Variants in ZSCAN26 observed in about 807,000 individuals in gnomAD.
The protein encoded by ZSCAN26 is zinc finger and SCAN domain containing 26, also known as zinc finger and SCAN domain-containing protein 26.
Under a neutral mutation model 23.0 loss-of-function variants are expected in ZSCAN26, and 26 were observed. The observed-to-expected ratio is 1.13, with a 90% CI of 0.83 to 1.57. The LOEUF (loss-of-function observed/expected upper bound fraction) is 1.57, where lower values mean the gene tolerates loss of function less well. ZSCAN26 is among the 40% of genes most tolerant of loss of function. The probability of loss-of-function intolerance (pLI) is 0.00; values close to 1 mark genes in which losing one functional copy is unlikely to be tolerated. For synonymous variants in ZSCAN26, 180 were observed against 202.5 expected, an observed-to-expected ratio of 0.89 and a Z score of 0.94; for missense variants, 528 against 568.5, an observed-to-expected ratio of 0.93 and a Z score of 0.72.
intron 3 of ZSCAN26, among the ~76,000 whole-genome samples, chr6:28,273,124 TA>T: frequency 6.6e-6 from 1 of 151,820 alleles, no homozygotes; most frequent in Non-Finnish European, 1.5e-5. Context: ...TAGGGGTGAA[TA>T]AAAAAAGCAG....
rs1031770158 is a variant in ZSCAN26, at chr6:28,276,628, A to C, written c.972A>C (p.Ala324=). The C allele has an allele frequency of 3.1e-6, 5 of 1,611,856 alleles. No individual in the cohort carries two copies. Among genetic ancestry groups the C allele is most frequent in the Middle Eastern group, 1.6e-4 (1 of 6,078 alleles). Residue 324 remains alanine, a synonymous_variant, in exon 4 of 4, where the codon GCA becomes GCC. Transcript: ENST00000421553. ...GTGGCAAAGTCTTTAGCCAGAATGCAGGCCTTTTGGAACATCTCAGAATTC... is the reference window on the plus strand; with the variant it reads ...GTGGCAAAGTCTTTAGCCAGAATGCCGGCCTTTTGGAACATCTCAGAATTC... ...NECGKVFSQN[A]GLLEHLRIHT... is the part of the protein sequence containing the mutation.
rs1761472785 is a variant in ZSCAN26 at position 28,267,169 on chromosome 6, G to C, written c.-111G>C. 1 of 152,254 alleles carries C rather than the reference G, an allele frequency of 6.6e-6. No homozygotes were observed. Among genetic ancestry groups the C allele is most frequent in the South Asian group, 2.1e-4 (1 of 4,826 alleles). 9.4% of individuals were successfully genotyped at this position (152,254 alleles called of 1,614,324 possible). On this transcript the variant is annotated 5_prime_UTR_variant, in exon 1 of 4. Coordinates refer to ENST00000421553, the MANE Select transcript of ZSCAN26 (RefSeq NM_001023560.4). ...GAGCTGACACTCGGCGATGAGCTAA[G>C]ACGCTGTTTCAGAGCGTTTGGGTCC...
chr6:28,276,350 T>C lies in ZSCAN26; in HGVS notation c.694T>C (p.Tyr232His). 2 of 1,613,914 alleles carry C rather than the reference T, an allele frequency of 1.2e-6. No individual in the cohort carries two copies. The highest frequency in any genetic ancestry group is 1.7e-6 in the Non-Finnish European group (2 of 1,179,862). ...HQAKPKEKIE[Y>H]KCSEREQRFI... ...GGCCAAGCCCAAAGAGAAGATTGAG[T>C]ATAAATGCTCAGAACGTGAGCAGAG... is the stretch of plus-strand genomic sequence containing the variant. Residue 232 changes from tyrosine to histidine, a missense_variant, in exon 4 of 4, where the codon TAT (tyrosine) becomes CAT (histidine). Physicochemically the swap from Tyr to His is moderately conservative, Grantham distance 83. Coordinates refer to ENST00000421553, the MANE Select transcript of ZSCAN26 (RefSeq NM_001023560.4).
intron 1 of ZSCAN26, 25 bp downstream of exon 1, chr6:28,267,238 C>A (rs946380250): frequency 1.3e-5 from 2 of 152,308 alleles, no homozygotes; most frequent in African/African-American, 4.8e-5. Context: ...GAGCTGGGCC[C>A]CGGGCTGGGG....
chr6:28,269,211 T>C (rs1485376123), intron 1 of ZSCAN26, among the ~76,000 whole-genome samples: 19 of 152,178 alleles, frequency 1.2e-4, no homozygotes, highest in Non-Finnish European at 5.9e-5. Context: ...CCAGTATATA[T>C]ATATGTATGT....
chr6:28,275,929 T>G lies in ZSCAN26; in HGVS notation c.539-266T>G, dbSNP rs185059618. On this transcript the variant is annotated intron_variant, in intron 3 of 3. Coordinates refer to ENST00000421553, the MANE Select transcript of ZSCAN26 (RefSeq NM_001023560.4). ...ACAGTTTATTTGCTTGCTTGCTAGC[T>G]TCTCTGTGTGTGGTATCCCATGATA... 3.3e-5 allele frequency among the ~76,000 whole-genome samples: 5 copies of G among 152,304 alleles called. No homozygotes were observed. The East Asian group carries it at 5.8e-4, about 18-fold the overall frequency.
chr6:28,276,609 A>G lies in ZSCAN26; in HGVS notation c.953A>G (p.Lys318Arg). The change falls in exon 4 of 4, where the codon AAA (lysine) becomes AGA (arginine). Residue 318 changes from lysine to arginine, a missense_variant. Coordinates refer to ENST00000421553, the MANE Select transcript of ZSCAN26 (RefSeq NM_001023560.4). The part of the protein sequence containing the change: ...EKPYQCNECG[K>R]VFSQNAGLLE... The stretch of plus-strand genomic sequence containing the variant: ...CCTTATCAGTGCAATGAGTGTGGCA[A>G]AGTCTTTAGCCAGAATGCAGGCCTT... 6.2e-7 allele frequency: 1 copy of G among 1,612,632 alleles called. No homozygotes were observed. Among genetic ancestry groups the G allele is most frequent in the South Asian group, 1.1e-5 (1 of 90,694 alleles).
chr6:28,272,083 G>A lies in ZSCAN26; in HGVS notation c.164G>A (p.Arg55Lys). 6.4e-7 allele frequency: 1 copy of A among 1,571,888 alleles called. No individual in the cohort carries two copies. The highest frequency in any genetic ancestry group is 8.6e-7 in the Non-Finnish European group (1 of 1,158,158). Residue 55 changes from arginine to lysine, a missense_variant, in exon 2 of 4, where the codon AGG becomes AAG. Physicochemically the swap from Arg to Lys is conservative, Grantham distance 26. Transcript: ENST00000421553. ...CAGGAGCCATTGTGCAAACAATTCA[G>A]GCAGTTGCGTTATGAAGAGACCACA... ...LGQEPLCKQF[R>K]QLRYEETTGP...
chr6:28,276,669 C>T lies in ZSCAN26; in HGVS notation c.1013C>T (p.Pro338Leu). The stretch of plus-strand genomic sequence containing the variant: ...CTCAGAATTCATACTGGAGAGAAAC[C>T]TTATCTATGTATCCATTGTGGAAAA... ...EHLRIHTGEKPYLCIHCGKNF... is the reference protein window; with the variant it reads ...EHLRIHTGEKLYLCIHCGKNF... The change falls in exon 4 of 4, where the codon CCT becomes CTT. Residue 338 changes from proline (P) to leucine (L), a missense_variant. Coordinates refer to ENST00000421553, the MANE Select transcript of ZSCAN26 (RefSeq NM_001023560.4). 1 of 1,611,448 alleles carries T rather than the reference C, an allele frequency of 6.2e-7. No homozygotes were observed. The highest frequency in any genetic ancestry group is 8.5e-7 in the Non-Finnish European group (1 of 1,178,654).
In ZSCAN26 at chr6:28,271,970, G is replaced by A. The variant is rs1299538327; in HGVS notation, c.51G>A (p.Lys17=). 1 of 1,551,596 alleles carries A rather than the reference G, an allele frequency of 6.4e-7. No individual in the cohort carries two copies. The highest frequency in any genetic ancestry group is 2.4e-5 in the East Asian group (1 of 40,932). ...ATTCCCTGGCTCCCCTGAATCTGAA[G>A]AAGGAGGGGCTTCGGGTAGTGAGGG... ...SAHSLAPLNL[K]KEGLRVVRED... is the part of the protein sequence containing the mutation. Residue 17 remains lysine (K), a synonymous_variant, in exon 2 of 4, where the codon AAG becomes AAA. Transcript: ENST00000421553.
chr6:28,276,095 C>A, intron 3 of ZSCAN26, 100 bp from the exon 4 acceptor site: 2 of 1,086,684 alleles, frequency 1.8e-6, no homozygotes, highest in Non-Finnish European at 2.6e-6. Flanking sequence ...TTTTACTTTG[C>A]ACACATGGCT....
At chr6:28,272,584 T>C (rs1761744181) in intron 2 of ZSCAN26, 86 bp from the exon 3 acceptor site, 1 of 1,179,698 alleles carries the variant, frequency 8.5e-7, no homozygotes, top group Non-Finnish European at 1.2e-6. Context: ...TTCTTCTCTT[T>C]TTTAACACCT....
Position 28,272,007 on chromosome 6 carries a change from T to G in ZSCAN26, c.88T>G (p.Ser30Ala). The G allele has an allele frequency of 6.4e-7, 1 of 1,551,708 alleles. No homozygotes were observed. Among genetic ancestry groups the G allele is most frequent in the Non-Finnish European group, 8.7e-7 (1 of 1,146,978 alleles). The change falls in exon 2 of 4, where the codon TCT (serine) becomes GCT (alanine). Residue 30 changes from serine (S) to alanine (A), a missense_variant. Transcript: ENST00000421553. ...TCGGGTAGTGAGGGAGGATCACTACTCTACTTGGGAACAGGGATTCAAGCT... is the reference window on the plus strand; with the variant it reads ...TCGGGTAGTGAGGGAGGATCACTACGCTACTTGGGAACAGGGATTCAAGCT... ...GLRVVREDHY[S>A]TWEQGFKLQG... is the part of the protein sequence containing the mutation.
intron 2 of ZSCAN26, 44 bp from the exon 3 acceptor site, chr6:28,272,626 C>T (rs1761745858): frequency 1.3e-6 from 2 of 1,488,706 alleles, no homozygotes; most frequent in Non-Finnish European, 1.8e-6. Context: ...TTTCCTAAAC[C>T]CACATATATC....
intron 3 of ZSCAN26, 92 bp from the exon 4 acceptor site, chr6:28,276,103 G>T: frequency 8.5e-7 from 1 of 1,175,602 alleles, no homozygotes; most frequent in Admixed American, 2.7e-5. Context: ...TGCACACATG[G>T]CTTCATTATA....
chr6:28,274,194 A>C (rs921926560), intron 3 of ZSCAN26, among the ~76,000 whole-genome samples: 1 of 151,328 alleles, frequency 6.6e-6, no homozygotes, highest in African/African-American at 2.4e-5. Flanking sequence ...TTGTTTTCTG[A>C]GTCAGCTACA....
At position 28,276,319 on chromosome 6, in the gene ZSCAN26, G is replaced by C; in HGVS notation, c.663G>C (p.Arg221Ser). 6.2e-7 allele frequency: 1 copy of C among 1,613,966 alleles called. No individual in the cohort carries two copies. Among genetic ancestry groups the C allele is most frequent in the African/African-American group, 1.3e-5 (1 of 75,036 alleles). Reference sequence around the variant, plus strand: ...ATAATGAGGGCTCTAACTTGGAAAGGCATCAGGCCAAGCCCAAAGAGAAGA... The same window carrying C: ...ATAATGAGGGCTCTAACTTGGAAAGCCATCAGGCCAAGCCCAAAGAGAAGA... ...EAHNEGSNLE[R>S]HQAKPKEKIE... The change falls in exon 4 of 4, where the codon AGG (arginine) becomes AGC (serine). Residue 221 changes from arginine (R) to serine (S), a missense_variant. Physicochemically the swap from Arg to Ser is moderately radical, Grantham distance 110 (BLOSUM62 -1). Coordinates refer to ENST00000421553, the MANE Select transcript of ZSCAN26 (RefSeq NM_001023560.4).
Position 28,272,273 on chromosome 6 carries a change from C to G in ZSCAN26, c.354C>G (p.Ser118Arg). 1.2e-6 allele frequency: 2 copies of G among 1,604,228 alleles called. No homozygotes were observed. The highest frequency in any genetic ancestry group is 1.7e-6 in the Non-Finnish European group (2 of 1,175,036). ...QARVQEHHPE[S>R]REDVVVVLED... ...GGGTGCAGGAGCATCACCCAGAGAG[C>G]AGGGAGGACGTGGTTGTTGTTCTGG... is the stretch of plus-strand genomic sequence containing the variant. The change falls in exon 2 of 4, where the codon AGC becomes AGG. Residue 118 changes from serine to arginine, a missense_variant. By Grantham distance (110) the Ser-to-Arg change is moderately radical (BLOSUM62 -1). Transcript: ENST00000421553.
chr6:28,269,750 T>C (rs901376430), intron 1 of ZSCAN26, among the ~76,000 whole-genome samples: 2 of 152,162 alleles, frequency 1.3e-5, no homozygotes, highest in African/African-American at 4.8e-5. Context: ...ACTGCTTGGA[T>C]GAGGCCCACC....
Sources: allele counts gnomAD v4.1 joint callset (sites outside exome capture counted in the v4.1 genomes callset), GRCh38; gene constraint gnomAD v4.1.1; transcripts MANE v1.5; gene names NCBI Gene and HGNC (gene_info 2026-07-23, HGNC 2026-07-21).